The following FAM181B variants were observed in gnomAD, a reference collection of about 807,000 sequenced individuals.
FAM181B encodes the protein family with sequence similarity 181 member B.
In FAM181B, 13 loss-of-function variants were observed where a neutral mutation model predicts 17.8. The observed-to-expected ratio is 0.73, with a 90% confidence interval of 0.48 to 1.16. FAM181B has a LOEUF of 1.16. Among genes scored for constraint, FAM181B ranks in the 50% most tolerant of loss-of-function variants. FAM181B has a pLI of 0.00. For synonymous variants in FAM181B, 338 were observed against 316.5 expected, an observed-to-expected ratio of 1.07 and a Z score of -0.72; for missense variants, 725 against 634.1, an observed-to-expected ratio of 1.14 and a Z score of -1.54.
In FAM181B at chr11:82,732,686, C is replaced by G; in HGVS notation, c.1044G>C (p.Glu348Asp). 2.7e-6 allele frequency: 4 copies of G among 1,467,678 alleles called. No individual in the cohort carries two copies. Among genetic ancestry groups the G allele is most frequent in the Non-Finnish European group, 3.6e-6 (4 of 1,109,268 alleles). The allele number at this position is 1,467,678 out of a possible 1,614,324, so 90.9% of individuals were successfully genotyped here. A position where few individuals can be genotyped will look rare whatever the true frequency, so the allele number is the denominator to read the frequency against. The change falls in exon 1 of 1, where the codon GAG (glutamate) becomes GAC (aspartate). Residue 348 changes from glutamate to aspartate, a missense_variant. By Grantham distance (45) the Glu-to-Asp change is conservative. Transcript: ENST00000329203. ...CGGCGGGGTACAGGGGGCTCAAGGGCTCGTTCAAGGTCAAGCCGCCGCGGG... is the reference window on the plus strand; with the variant it reads ...CGGCGGGGTACAGGGGGCTCAAGGGGTCGTTCAAGGTCAAGCCGCCGCGGG... The part of the protein sequence containing the change: ...TAPRGGLTLN[E>D]PLSPLYPAAA...
Position 82,732,542 on chromosome 11 carries a change from G to T in FAM181B, c.1188C>A (p.Ser396Arg), listed in dbSNP as rs1591002197. Residue 396 changes from serine (S) to arginine (R), a missense_variant, in exon 1 of 1, where the codon AGC (serine) becomes AGA (arginine). Physicochemically the swap from Ser to Arg is moderately radical, Grantham distance 110. Transcript: ENST00000329203. ...PPPHQVSYDY[S>R]AGYSRTAYSS... Reference sequence around the variant, plus strand: ...AATAGGCGGTGCGGCTGTAGCCCGCGCTGTAATCGTAGGACACCTGATGGG... The same window carrying T: ...AATAGGCGGTGCGGCTGTAGCCCGCTCTGTAATCGTAGGACACCTGATGGG... 1.2e-6 allele frequency: 2 copies of T among 1,611,866 alleles called. No homozygotes were observed. Among genetic ancestry groups the T allele is most frequent in the African/African-American group, 2.7e-5 (2 of 75,018 alleles).
chr11:82,733,167 G>C lies in FAM181B; in HGVS notation c.563C>G (p.Ala188Gly). 7.2e-7 allele frequency: 1 copy of C among 1,394,682 alleles called. No individual in the cohort carries two copies. The highest frequency in any genetic ancestry group is 1.6e-5 in the South Asian group (1 of 62,234). The allele number at this position is 1,394,682 out of a possible 1,614,324, so 86.4% of individuals were successfully genotyped here. A position where few individuals can be genotyped will look rare whatever the true frequency, so the allele number is the denominator to read the frequency against. The part of the protein sequence containing the change: ...GAEPAGGEVA[A>G]PAAGLGGAGT... Reference sequence around the variant, plus strand: ...CGCACCTCCTAGCCCGGCCGCCGGCGCAGCCACCTCACCCCCCGCCGGCTC... The same window carrying C: ...CGCACCTCCTAGCCCGGCCGCCGGCCCAGCCACCTCACCCCCCGCCGGCTC... Residue 188 changes from alanine to glycine, a missense_variant, in exon 1 of 1, where the codon GCG (alanine) becomes GGG (glycine). By Grantham distance (60) the Ala-to-Gly change is moderately conservative. Transcript: ENST00000329203.
rs750016052 is a variant in FAM181B at position 82,733,590 on chromosome 11, G to A, written c.140C>T (p.Ala47Val). 1 of 1,602,666 alleles carries A rather than the reference G, an allele frequency of 6.2e-7. No homozygotes were observed. Among genetic ancestry groups the A allele is most frequent in the African/African-American group, 1.3e-5 (1 of 74,852 alleles). Residue 47 changes from alanine (A) to valine (V), a missense_variant, in exon 1 of 1, where the codon GCG (alanine) becomes GTG (valine). Physicochemically the swap from Ala to Val is moderately conservative, Grantham distance 64. Coordinates refer to ENST00000329203, the MANE Select transcript of FAM181B (RefSeq NM_175885.4). ...TTCGGCTCCCGACAGCAGCGCACCC[G>A]CCGGAGCCCCGGTCTCATCGTCCTC... ...CFEDDETGAP[A>V]GALLSGAEGG...
chr11:82,732,792 G>A lies in FAM181B; in HGVS notation c.938C>T (p.Ala313Val), dbSNP rs1225297944. ...GGGGTACAGTAGGTTTCCCACCACTGCCGGCGGCGGCTCAAAGAGGCCGGG... is the reference window on the plus strand; with the variant it reads ...GGGGTACAGTAGGTTTCCCACCACTACCGGCGGCGGCTCAAAGAGGCCGGG... ...LEPGLFEPPP[A>V]VVGNLLYPEP... The change falls in exon 1 of 1, where the codon GCA becomes GTA. Residue 313 changes from alanine (A) to valine (V), a missense_variant. Physicochemically the swap from Ala to Val is moderately conservative, Grantham distance 64. Coordinates refer to ENST00000329203, the MANE Select transcript of FAM181B (RefSeq NM_175885.4). 4.7e-6 allele frequency: 7 copies of A among 1,497,076 alleles called. No individual in the cohort carries two copies. Among genetic ancestry groups the A allele is most frequent in the Non-Finnish European group, 6.2e-6 (7 of 1,122,510 alleles). The allele number at this position is 1,497,076 out of a possible 1,614,324, so 92.7% of individuals were successfully genotyped here.
rs549824159 is a variant in FAM181B at position 82,733,366 on chromosome 11, C to G, written c.364G>C (p.Asp122His). 2.9e-6 allele frequency: 4 copies of G among 1,375,188 alleles called. No individual in the cohort carries two copies. In the South Asian group the frequency reaches 6.5e-5, roughly 22 times the overall value. The allele number at this position is 1,375,188 out of a possible 1,614,324, so 85.2% of individuals were successfully genotyped here. The stretch of plus-strand genomic sequence containing the variant: ...GCCAGCGGCCGTTTGGCTGGCGTGT[C>G]GGCGGCGCTCGGGGAGGGCGGGCCG... ...PPGPPSPSAA[D>H]TPAKRPLAAP... Residue 122 changes from aspartate to histidine, a missense_variant, in exon 1 of 1, where the codon GAC becomes CAC. By Grantham distance (81) the Asp-to-His change is moderately conservative. Coordinates refer to ENST00000329203, the MANE Select transcript of FAM181B (RefSeq NM_175885.4).
Position 82,730,781 on chromosome 11 carries a change from A to G in FAM181B, c.*1668T>C, listed in dbSNP as rs945492080. The G allele has an allele frequency of 1.3e-5, 2 of 152,218 alleles. No individual in the cohort carries two copies. Among genetic ancestry groups the G allele is most frequent in the African/African-American group, 4.8e-5 (2 of 41,442 alleles). The allele number at this position is 152,218 out of a possible 1,614,324, so 9.4% of individuals were successfully genotyped here. A position where few individuals can be genotyped will look rare whatever the true frequency, so the allele number is the denominator to read the frequency against. ...AGAAATTCTTTTATGAAAATATCAC[A>G]ATACTTTTGATGTGTGCAAACATGA... On this transcript the variant is annotated 3_prime_UTR_variant, in exon 1 of 1. Coordinates refer to ENST00000329203, the MANE Select transcript of FAM181B (RefSeq NM_175885.4).
Position 82,731,262 on chromosome 11 carries a change from A to G in FAM181B, c.*1187T>C, listed in dbSNP as rs475021. On this transcript the variant is annotated 3_prime_UTR_variant, in exon 1 of 1. Coordinates refer to ENST00000329203, the MANE Select transcript of FAM181B (RefSeq NM_175885.4). ...TTTCTTTATGCCCTTCCGTGGGGAG[A>G]GTGTGGGTATAAGGACTGAGGAAAC... 152,157 of 152,326 alleles carry G rather than the reference A, an allele frequency of 1. 75,996 individuals carry two copies. Among genetic ancestry groups the G allele is most frequent in the Middle Eastern group, 1 (294 of 294 alleles). The allele number at this position is 152,326 out of a possible 1,614,324, so 9.4% of individuals were successfully genotyped here. A position where few individuals can be genotyped will look rare whatever the true frequency, so the allele number is the denominator to read the frequency against.
rs1483098490 is a variant in FAM181B at position 82,730,972 on chromosome 11, C to G, written c.*1477G>C. 1 of 152,308 alleles carries G rather than the reference C, an allele frequency of 6.6e-6. No individual in the cohort carries two copies. Among genetic ancestry groups the G allele is most frequent in the Non-Finnish European group, 1.5e-5 (1 of 68,128 alleles). 9.4% of individuals were successfully genotyped at this position (152,308 alleles called of 1,614,324 possible). A position where few individuals can be genotyped will look rare whatever the true frequency, so the allele number is the denominator to read the frequency against. ...TGTTCTGGGCGTTGCTCTCTTCATG[C>G]CTTTCTCCCCGCAGTTCTACAGCAC... On this transcript the variant is annotated 3_prime_UTR_variant, in exon 1 of 1. Transcript: ENST00000329203.
chr11:82,732,832 G>T lies in FAM181B; in HGVS notation c.898C>A (p.Pro300Thr). The change falls in exon 1 of 1, where the codon CCC becomes ACC. Residue 300 changes from proline (P) to threonine (T), a missense_variant. Transcript: ENST00000329203. ...AAGAGGCCGGGCTCCAGCTCCGGGG[G>T]TCCCCGCAGTACGGAGGCTCCGGCG... is the stretch of plus-strand genomic sequence containing the variant. The part of the protein sequence containing the change: ...FPAGASVLRG[P>T]PELEPGLFEP... 6.5e-7 allele frequency: 1 copy of T among 1,528,754 alleles called. No homozygotes were observed. Among genetic ancestry groups the T allele is most frequent in the Non-Finnish European group, 8.8e-7 (1 of 1,137,732 alleles). 94.7% of individuals were successfully genotyped at this position (1,528,754 alleles called of 1,614,324 possible).
In FAM181B at chr11:82,732,953, C is replaced by T. The variant is rs76427896; in HGVS notation, c.777G>A (p.Ala259=). The T allele has an allele frequency of 5.2e-3, 8,224 of 1,575,170 alleles. 521 individuals are homozygous for T. In the East Asian group the frequency reaches 0.15, roughly 29 times the overall value. The change falls in exon 1 of 1, where the codon GCG becomes GCA. Residue 259 remains alanine (A), a synonymous_variant. Transcript: ENST00000329203. ...DVSLGDLEKG[A]EAVEFFELLG... Reference sequence around the variant, plus strand: ...GCAGCTCAAAGAACTCCACGGCCTCCGCGCCCTTCTCCAGGTCGCCCAAGC... The same window carrying T: ...GCAGCTCAAAGAACTCCACGGCCTCTGCGCCCTTCTCCAGGTCGCCCAAGC...
In FAM181B at chr11:82,732,511, G is replaced by C. The variant is rs758796828; in HGVS notation, c.1219C>G (p.Leu407Val). The stretch of plus-strand genomic sequence containing the variant: ...TCCCAAACCCCGTCGGATCTCCAAA[G>C]GCTGGAATAGGCGGTGCGGCTGTAG... Reference protein sequence around the residue: ...AGYSRTAYSSLWRSDGVWEGA... With the variant: ...AGYSRTAYSSVWRSDGVWEGA... The change falls in exon 1 of 1, where the codon CTT becomes GTT. Residue 407 changes from leucine to valine, a missense_variant. Physicochemically the swap from Leu to Val is conservative, Grantham distance 32. Transcript: ENST00000329203. 1.2e-6 allele frequency: 2 copies of C among 1,612,988 alleles called. No homozygotes were observed. The highest frequency in any genetic ancestry group is 1.7e-5 in the Admixed American group (1 of 60,018).
Position 82,733,658 on chromosome 11 carries a change from C to A in FAM181B, c.72G>T (p.Gly24=). ...VPFGFGGSPD[G]LGGAFGALDK... is the part of the protein sequence containing the mutation. ...CCAGGGCTCCGAAGGCGCCCCCTAG[C>A]CCGTCCGGGGAGCCCCCGAAGCCGA... The change falls in exon 1 of 1, where the codon GGG becomes GGT. Residue 24 remains glycine, a synonymous_variant. Coordinates refer to ENST00000329203, the MANE Select transcript of FAM181B (RefSeq NM_175885.4). The A allele has an allele frequency of 6.4e-7, 1 of 1,573,218 alleles. No individual in the cohort carries two copies.
Position 82,732,477 on chromosome 11 carries a change from G to T in FAM181B, c.1253C>A (p.Pro418Gln). 6.2e-7 allele frequency: 1 copy of T among 1,612,566 alleles called. No homozygotes were observed. Among genetic ancestry groups the T allele is most frequent in the Admixed American group, 1.7e-5 (1 of 59,998 alleles). Residue 418 changes from proline to glutamine, a missense_variant, in exon 1 of 1, where the codon CCG becomes CAG. Coordinates refer to ENST00000329203, the MANE Select transcript of FAM181B (RefSeq NM_175885.4). Reference protein sequence around the residue: ...WRSDGVWEGAPGEEGAHRD With the variant: ...WRSDGVWEGAQGEEGAHRD ...GTCCCGGTGCGCCCCCTCCTCCCCC[G>T]GCGCCCCTTCCCAAACCCCGTCGGA...
At position 82,733,279 on chromosome 11, in the gene FAM181B, C is replaced by A; in HGVS notation, c.451G>T (p.Ala151Ser). Residue 151 changes from alanine to serine, a missense_variant, in exon 1 of 1, where the codon GCG becomes TCG. Physicochemically the swap from Ala to Ser is moderately conservative, Grantham distance 99. Transcript: ENST00000329203. Reference sequence around the variant, plus strand: ...CTGGCGGCCGCGGCGGCCTGCGACGCCTCCCGCCGGGGGGCAGCCTTGCCG... The same window carrying A: ...CTGGCGGCCGCGGCGGCCTGCGACGACTCCCGCCGGGGGGCAGCCTTGCCG... ...AHGKAAPRRE[A>S]SQAAAAASLQ... The A allele has an allele frequency of 8.2e-7, 1 of 1,222,432 alleles. No individual in the cohort carries two copies. The highest frequency in any genetic ancestry group is 3.3e-5 in the East Asian group (1 of 30,038). 75.7% of individuals were successfully genotyped at this position (1,222,432 alleles called of 1,614,324 possible). A position where few individuals can be genotyped will look rare whatever the true frequency, so the allele number is the denominator to read the frequency against.
Position 82,732,383 on chromosome 11 carries a change from G to A in FAM181B, c.*66C>T. On this transcript the variant is annotated 3_prime_UTR_variant, in exon 1 of 1. Transcript: ENST00000329203. ...ATTTTCCCATCGTTCTTCAGATTTA[G>A]GAGAAACCCACGGAGGCGCGGCGCT... The A allele has an allele frequency of 1.4e-6, 2 of 1,471,130 alleles. No individual in the cohort carries two copies. The highest frequency in any genetic ancestry group is 1.4e-5 in the African/African-American group (1 of 70,154). The allele number at this position is 1,471,130 out of a possible 1,614,324, so 91.1% of individuals were successfully genotyped here. A position where few individuals can be genotyped will look rare whatever the true frequency, so the allele number is the denominator to read the frequency against.
rs1013644723 is a variant in FAM181B at position 82,732,846 on chromosome 11, G to C, written c.884C>G (p.Ser295Cys). The C allele has an allele frequency of 6.5e-7, 1 of 1,537,826 alleles. No homozygotes were observed. The highest frequency in any genetic ancestry group is 8.8e-7 in the Non-Finnish European group (1 of 1,142,370). The change falls in exon 1 of 1, where the codon TCC (serine) becomes TGC (cysteine). Residue 295 changes from serine to cysteine, a missense_variant. Ser to Cys is a moderately radical substitution (Grantham distance 112, BLOSUM62 -1). Coordinates refer to ENST00000329203, the MANE Select transcript of FAM181B (RefSeq NM_175885.4). ...CAGCTCCGGGGGTCCCCGCAGTACGGAGGCTCCGGCGGGGAACACGTCGAG... is the reference window on the plus strand; with the variant it reads ...CAGCTCCGGGGGTCCCCGCAGTACGCAGGCTCCGGCGGGGAACACGTCGAG... ...EPLDVFPAGA[S>C]VLRGPPELEP...
Position 82,733,567 on chromosome 11 carries a change from C to T in FAM181B, c.163G>A (p.Glu55Lys). The T allele has an allele frequency of 1.2e-6, 2 of 1,604,836 alleles. No homozygotes were observed. Among genetic ancestry groups the T allele is most frequent in the Non-Finnish European group, 1.7e-6 (2 of 1,179,116 alleles). The change falls in exon 1 of 1, where the codon GAA becomes AAA. Residue 55 changes from glutamate (E) to lysine (K), a missense_variant. By Grantham distance (56) the Glu-to-Lys change is moderately conservative. Coordinates refer to ENST00000329203, the MANE Select transcript of FAM181B (RefSeq NM_175885.4). The stretch of plus-strand genomic sequence containing the variant: ...GTGGCCTCGCGCACGTCCCCTCCTT[C>T]GGCTCCCGACAGCAGCGCACCCGCC... ...APAGALLSGA[E>K]GGDVREATRD...
Position 82,733,012 on chromosome 11 carries a change from C to A in FAM181B, c.718G>T (p.Gly240Cys). Reference protein sequence around the residue: ...SFFTEPSRAGGGGCGPSGPDV... With the variant: ...SFFTEPSRAGCGGCGPSGPDV... The stretch of plus-strand genomic sequence containing the variant: ...GGCCCCGACGGGCCACACCCGCCGC[C>A]GCCTGCCCGGGACGGCTCCGTGAAG... Residue 240 changes from glycine (G) to cysteine (C), a missense_variant, in exon 1 of 1, where the codon GGC becomes TGC. Coordinates refer to ENST00000329203, the MANE Select transcript of FAM181B (RefSeq NM_175885.4). The A allele has an allele frequency of 6.5e-7, 1 of 1,548,184 alleles. No individual in the cohort carries two copies. The highest frequency in any genetic ancestry group is 1.2e-5 in the South Asian group (1 of 83,612).
In FAM181B at chr11:82,733,710, A is replaced by T; in HGVS notation, c.20T>A (p.Leu7His). 1.4e-6 allele frequency: 2 copies of T among 1,442,276 alleles called. No individual in the cohort carries two copies. Among genetic ancestry groups the T allele is most frequent in the Non-Finnish European group, 1.8e-6 (2 of 1,097,618 alleles). The allele number at this position is 1,442,276 out of a possible 1,614,324, so 89.3% of individuals were successfully genotyped here. Reference protein sequence around the residue: MAVQAALLSTHPFVPFG... With the variant: MAVQAAHLSTHPFVPFG... ...GGGCACGAAAGGGTGCGTGCTGAGG[A>T]GCGCCGCCTGCACCGCCATCGCCGC... The change falls in exon 1 of 1, where the codon CTC becomes CAC. Residue 7 changes from leucine (L) to histidine (H), a missense_variant. Physicochemically the swap from Leu to His is moderately conservative, Grantham distance 99. Transcript: ENST00000329203.
Sources: allele counts gnomAD v4.1 joint callset, GRCh38; gene constraint gnomAD v4.1.1; transcripts MANE v1.5; gene names NCBI Gene and HGNC (gene_info 2026-07-23, HGNC 2026-07-21).